Variants in GRIP1 observed in about 807,000 individuals in gnomAD.
The protein encoded by GRIP1 is glutamate receptor interacting protein 1, also known as glutamate receptor-interacting protein 1.
In GRIP1, 45 loss-of-function variants were observed where a neutral mutation model predicts 129.9. That is an observed-to-expected ratio of 0.35 (90% CI 0.27 to 0.44). GRIP1 has a LOEUF of 0.44. Ranked by LOEUF, GRIP1 falls within the 20% of genes least tolerant of loss-of-function variation. The pLI, the probability that GRIP1 is intolerant of heterozygous loss-of-function variation, is 1.00. For synonymous variants in GRIP1, 530 were observed against 520.8 expected (o/e 1.02, Z -0.24); for missense variants, 1,196 against 1,396.8 (o/e 0.86, Z 2.29).
intron 2 of GRIP1, among the ~76,000 whole-genome samples, chr12:66,562,846 C>T (rs187544498): frequency 5.2e-4 from 79 of 151,870 alleles, no homozygotes; most frequent in Non-Finnish European, 1.0e-3. Context: ...AACATAAACA[C>T]ATATTGTGTA....
chr12:66,590,940 G>A (rs972936166), intron 2 of GRIP1, among the ~76,000 whole-genome samples: 3 of 152,140 alleles, frequency 2.0e-5, no homozygotes, highest in Admixed American at 1.3e-4. Context: ...GCCAGTCTTA[G>A]GGCCACAGAT....
intron 1 of GRIP1, among the ~76,000 whole-genome samples, chr12:67,039,999 T>TA (rs2043151976): frequency 6.6e-6 from 1 of 152,178 alleles, no homozygotes; most frequent in Non-Finnish European, 1.5e-5. Flanking sequence ...TAACTACTCT[T>TA]AAGCTGTTCG....
At chr12:66,879,475 A>T (rs2040437572) in intron 1 of GRIP1, among the ~76,000 whole-genome samples, 1 of 152,100 alleles carries the variant, frequency 6.6e-6, no homozygotes, top group Admixed American at 6.6e-5. Context: ...GGACAAGGCC[A>T]CATACTGAGC....
At chr12:66,758,982 G>A (rs1382364422) in intron 1 of GRIP1, among the ~76,000 whole-genome samples, 4 of 152,244 alleles carry the variant, frequency 2.6e-5, no homozygotes, top group East Asian at 1.9e-4. Flanking sequence ...TGGATCTATC[G>A]TTCTGGGGTC....
intron 15 of GRIP1, among the ~76,000 whole-genome samples, chr12:66,407,099 C>T (rs937510004): frequency 1.4e-4 from 22 of 152,158 alleles, no homozygotes; most frequent in African/African-American, 5.3e-4. Flanking sequence ...TATATATACA[C>T]AGATTTGTAA....
At chr12:66,736,346 AT>A (rs547706592) in intron 1 of GRIP1, among the ~76,000 whole-genome samples, 1 of 67,022 alleles carries the variant, frequency 1.5e-5, no homozygotes, top group African/African-American at 6.5e-5. Flanking sequence ...TGCCTGGCTA[AT>A]TTTTTTTTTT....
intron 1 of GRIP1, among the ~76,000 whole-genome samples, chr12:66,854,269 G>A (rs2039965102): frequency 6.6e-6 from 1 of 151,716 alleles, no homozygotes; most frequent in Admixed American, 6.6e-5. Flanking sequence ...TTGCAGGATG[G>A]AGCAAGCAAG....
At chr12:66,667,965 G>A (rs1006452639) in intron 1 of GRIP1, among the ~76,000 whole-genome samples, 1 of 152,112 alleles carries the variant, frequency 6.6e-6, no homozygotes, top group African/African-American at 2.4e-5. Flanking sequence ...GCTCTGGATT[G>A]TAATGTCTGC....
chr12:66,404,754 A>C (rs1302164069), intron 16 of GRIP1, among the ~76,000 whole-genome samples: 3 of 152,176 alleles, frequency 2.0e-5, no homozygotes, highest in Non-Finnish European at 4.4e-5. Context: ...ATCTATGGCC[A>C]GGCGCAGTGG....
At chr12:66,607,027 G>A (rs186357636) in intron 1 of GRIP1, among the ~76,000 whole-genome samples, 3 of 151,976 alleles carry the variant, frequency 2.0e-5, no homozygotes, top group Admixed American at 2.0e-4. Context: ...GAGAGAGAGT[G>A]TGTGTGTGTG....
chr12:66,736,333 C>T (rs1331726454), intron 1 of GRIP1, among the ~76,000 whole-genome samples: 4 of 113,932 alleles, frequency 3.5e-5, no homozygotes, highest in African/African-American at 9.3e-5. Context: ...GTGTGCACCA[C>T]CGTGCCTGGC....
At chr12:66,480,659 C>G (rs1404598387) in intron 7 of GRIP1, among the ~76,000 whole-genome samples, 1 of 152,166 alleles carries the variant, frequency 6.6e-6, no homozygotes, top group Non-Finnish European at 1.5e-5. Context: ...TGACTTCAAA[C>G]TATACTACAA....
At chr12:66,769,104 T>C (rs191536625) in intron 1 of GRIP1, among the ~76,000 whole-genome samples, 16 of 152,284 alleles carry the variant, frequency 1.1e-4, no homozygotes, top group Middle Eastern at 6.8e-3. Flanking sequence ...TCTGACGCAG[T>C]AGGTTTGGAT....
intron 1 of GRIP1, among the ~76,000 whole-genome samples, chr12:66,707,617 G>GT (rs1302931032): frequency 6.6e-6 from 1 of 151,580 alleles, no homozygotes; most frequent in African/African-American, 2.4e-5. Context: ...TTTAAAAGAG[G>GT]TAAGATTTTT....
chr12:66,384,023 A>G (rs893205223), intron 19 of GRIP1, among the ~76,000 whole-genome samples: 1 of 152,196 alleles, frequency 6.6e-6, no homozygotes, highest in African/African-American at 2.4e-5. Flanking sequence ...ATTTAGAAGC[A>G]TGGGCCTCTG....
intron 7 of GRIP1, among the ~76,000 whole-genome samples, chr12:66,508,445 T>C (rs2060603890): frequency 6.6e-6 from 1 of 152,144 alleles, no homozygotes; most frequent in Non-Finnish European, 1.5e-5. Context: ...TAAAGTAAAA[T>C]GTAAATACTT....
At chr12:66,970,463 C>T (rs779782958) in intron 1 of GRIP1, among the ~76,000 whole-genome samples, 5 of 151,332 alleles carry the variant, frequency 3.3e-5, no homozygotes, top group African/African-American at 1.2e-4. Context: ...CAGCTTGAGG[C>T]TTATCTGTCT....
chr12:66,766,343 G>C (rs2037637340), intron 1 of GRIP1, among the ~76,000 whole-genome samples: 1 of 152,162 alleles, frequency 6.6e-6, no homozygotes, highest in South Asian at 2.1e-4. Flanking sequence ...AGGTCTTCCA[G>C]ATCTGTGCAT....
chr12:66,383,770 T>G (rs2056230104), intron 19 of GRIP1, among the ~76,000 whole-genome samples: 1 of 152,174 alleles, frequency 6.6e-6, no homozygotes, highest in African/African-American at 2.4e-5. Flanking sequence ...AATACCAGTT[T>G]CGGGGTGAGC....
Sources: allele counts gnomAD v4.1 joint callset (sites outside exome capture counted in the v4.1 genomes callset), GRCh38; gene constraint gnomAD v4.1.1; transcripts MANE v1.5; gene names NCBI Gene and HGNC (gene_info 2026-07-23, HGNC 2026-07-21).